ACTR1A: variants seen among roughly 807,000 people sequenced by gnomAD.
ACTR1A encodes alpha-centractin.
Under a neutral mutation model 50.7 loss-of-function variants are expected in ACTR1A, and 10 were observed. The ratio of observed to expected loss-of-function variants is 0.20; its 90% confidence interval spans 0.12 to 0.33. The LOEUF (loss-of-function observed/expected upper bound fraction) is 0.33, where lower values mean the gene tolerates loss of function less well. Among genes scored for constraint, ACTR1A ranks in the 10% least tolerant of loss-of-function variants. The pLI, the probability that ACTR1A is intolerant of heterozygous loss-of-function variation, is 1.00. For missense variants in ACTR1A, 253 were observed against 491.7 expected, an observed-to-expected ratio of 0.51 and a Z score of 4.59; for synonymous variants, 177 against 184.2, an observed-to-expected ratio of 0.96 and a Z score of 0.32.
chr10:102,490,556 G>C lies in ACTR1A; in HGVS notation c.106C>G (p.Pro36Ala). Residue 36 changes from proline to alanine, a missense_variant, in exon 2 of 11, where the codon CCA becomes GCA. Pro to Ala is a conservative substitution (Grantham distance 27, BLOSUM62 -1). Around this residue, in one of 4 missense-constraint regions of ACTR1A, gnomAD observed 96 missense variants for 238.7 expected, o/e 0.40. Transcript: ENST00000369905. ...AGCTACAGAATGACTTACTAGTTTG[G>C]AAAGCAGTATTTGGGGATCTGATCA... ...AGDQIPKYCF[P>A]NYVGRPKHVR... is the part of the protein sequence containing the mutation. The C allele has an allele frequency of 1.2e-6, 2 of 1,612,944 alleles. No individual in the cohort carries two copies. Among genetic ancestry groups the C allele is most frequent in the Non-Finnish European group, 8.5e-7 (1 of 1,179,040 alleles).
chr10:102,480,896 G>A lies in ACTR1A; in HGVS notation c.1098C>T (p.Asp366=), dbSNP rs202101782. The A allele has an allele frequency of 1.1e-5, 18 of 1,614,038 alleles. No individual in the cohort carries two copies. The highest frequency in any genetic ancestry group is 1.7e-4 in the Middle Eastern group (1 of 6,036). Residue 366 remains aspartate (D), a synonymous_variant, in exon 11 of 11, where the codon GAC becomes GAT. Transcript: ENST00000369905. ...TTTTTCTGTGGATGGATCGGGCACC[G>A]TCTTCCTCATATTCCTTTTTGGAGA... ...MWVSKKEYEE[D]GARSIHRKTF
chr10:102,488,402 T>G lies in ACTR1A; in HGVS notation c.190-127A>C, dbSNP rs112860709. 1.8e-5 allele frequency: 25 copies of G among 1,367,456 alleles called. 1 individual carries two copies. In the African/African-American group the frequency reaches 2.0e-4, roughly 11 times the overall value. 84.7% of individuals were successfully genotyped at this position (1,367,456 alleles called of 1,614,324 possible). A position where few individuals can be genotyped will look rare whatever the true frequency, so the allele number is the denominator to read the frequency against. ...TCAGCTTCCTGAGCTTCCACCCTGC[T>G]GTCCTTGCCCAGGGCTAAGGGTGGG... On this transcript the variant is annotated intron_variant, in intron 3 of 10. Transcript: ENST00000369905. The surrounding 1 kb of genome is among the most constrained non-coding windows in gnomAD (Gnocchi z 4.4).
intron 1 of ACTR1A, among the ~76,000 whole-genome samples, chr10:102,491,047 A>G (rs999762805): frequency 2.6e-5 from 4 of 152,194 alleles, no homozygotes; most frequent in Admixed American, 6.5e-5. Flanking sequence ...TTGAACCTAG[A>G]AAAAGGTAAA....
intron 1 of ACTR1A, 68 bp from the exon 2 acceptor site, chr10:102,490,681 T>G: frequency 7.7e-7 from 1 of 1,297,676 alleles, no homozygotes; most frequent in Non-Finnish European, 1.1e-6. Flanking sequence ...ATACATTATA[T>G]GGTACCATTT....
chr10:102,494,300 A>G (rs1402290092), intron 1 of ACTR1A, among the ~76,000 whole-genome samples: 1 of 152,198 alleles, frequency 6.6e-6, no homozygotes, highest in African/African-American at 2.4e-5. Context: ...GTTTGAGACC[A>G]GCCTGGCCAA....
rs557942741 is a variant in ACTR1A, at chr10:102,495,702, C to T, written c.49-5089G>A. ...CGAGATTGCGCCACTGCAATTTAGC[C>T]TGGGCGACAGAGACAGCCTCCGTCT... is the stretch of plus-strand genomic sequence containing the variant. On this transcript the variant is annotated intron_variant, in intron 1 of 10. Coordinates refer to ENST00000369905, the MANE Select transcript of ACTR1A (RefSeq NM_005736.4). Among the ~76,000 whole-genome samples the T allele has an allele frequency of 2.6e-5, 4 of 151,154 alleles. No individual in the cohort carries two copies. In the East Asian group the frequency reaches 7.9e-4, roughly 30 times the overall value.
chr10:102,485,521 C>T (rs905252772), intron 5 of ACTR1A, 88 bp downstream of exon 5: 42 of 1,570,226 alleles, frequency 2.7e-5, no homozygotes, highest in Non-Finnish European at 3.6e-5. Context: ...GCTCAAGTTA[C>T]TCTGAACCAT....
intron 1 of ACTR1A, among the ~76,000 whole-genome samples, chr10:102,493,922 G>A (rs1168233263): frequency 6.6e-6 from 1 of 152,226 alleles, no homozygotes; most frequent in Non-Finnish European, 1.5e-5. Context: ...CACTGGGAGT[G>A]ATGCACAAGG....
chr10:102,482,804 C>T lies in ACTR1A; in HGVS notation c.750+207G>A. ...CTAAAAAAAAAAATTGCAAAAGAAT[C>T]TCATAATGTTTTAAGAAAGTTTACG... is the stretch of plus-strand genomic sequence containing the variant. On this transcript the variant is annotated intron_variant, in intron 7 of 10. Transcript: ENST00000369905. This position sits in a 1 kb window ranked among gnomAD's most constrained non-coding sequence, Gnocchi z 5.6. The T allele has an allele frequency of 1.8e-6, 1 of 567,970 alleles. No individual in the cohort carries two copies. Among genetic ancestry groups the T allele is most frequent in the Non-Finnish European group, 3.1e-6 (1 of 318,798 alleles). 35.2% of individuals were successfully genotyped at this position (567,970 alleles called of 1,614,324 possible). A position where few individuals can be genotyped will look rare whatever the true frequency, so the allele number is the denominator to read the frequency against.
intron 1 of ACTR1A, among the ~76,000 whole-genome samples, chr10:102,495,245 T>C (rs1421602895): frequency 3.3e-5 from 5 of 151,286 alleles, no homozygotes; most frequent in Admixed American, 2.0e-4. Context: ...GGCGATAGAG[T>C]GAGCCTCTGC....
intron 2 of ACTR1A, among the ~76,000 whole-genome samples, chr10:102,489,867 C>CT (rs1314064363): frequency 1.6e-5 from 1 of 63,826 alleles, no homozygotes; most frequent in African/African-American, 6.7e-5. Flanking sequence ...CTCTTCCTTT[C>CT]CTCCCCCTTT....
Position 102,482,662 on chromosome 10 carries a change from C to T in ACTR1A, c.750+349G>A. On this transcript the variant is annotated intron_variant, in intron 7 of 10. Transcript: ENST00000369905. This position sits in a 1 kb window ranked among gnomAD's most constrained non-coding sequence, Gnocchi z 5.6. ...ACTCATGCTCAGGAGCTCTGCTGCT[C>T]CAGAGAGAGGGTGTAAGGCTGGGGT... 1 of 303,828 alleles carries T rather than the reference C, an allele frequency of 3.3e-6. No individual in the cohort carries two copies. Among genetic ancestry groups the T allele is most frequent in the South Asian group, 4.2e-5 (1 of 23,760 alleles). 18.8% of individuals were successfully genotyped at this position (303,828 alleles called of 1,614,324 possible). A position where few individuals can be genotyped will look rare whatever the true frequency, so the allele number is the denominator to read the frequency against.
intron 1 of ACTR1A, among the ~76,000 whole-genome samples, chr10:102,493,001 C>CAAAAAAAAAAAAAAAA (rs398014648): frequency 0.039 from 1,920 of 48,886 alleles, 367 homozygotes; most frequent in Non-Finnish European, 0.048. Context: ...GACTCCACCT[C>CAAAAAAAAAAAAAAAA]AAAAAAAAAA....
chr10:102,484,334 C>A lies in ACTR1A; in HGVS notation c.483G>T (p.Gly161=). Residue 161 remains glycine (G), a synonymous_variant, in exon 6 of 11, where the codon GGG becomes GGT. Transcript: ENST00000369905. ...TGGGCACAGCATGGGTGACTCCATC[C>A]CCAGAATCCAGCACCACCCCTGTGG... is the stretch of plus-strand genomic sequence containing the variant. ...GRTTGVVLDS[G]DGVTHAVPIY... 1 of 1,614,146 alleles carries A rather than the reference C, an allele frequency of 6.2e-7. No homozygotes were observed. Among genetic ancestry groups the A allele is most frequent in the Non-Finnish European group, 8.5e-7 (1 of 1,180,026 alleles).
At chr10:102,481,407 T>C (rs539710758) in intron 9 of ACTR1A, among the ~76,000 whole-genome samples, 4 of 152,222 alleles carry the variant, frequency 2.6e-5, no homozygotes, top group African/African-American at 9.6e-5. Context: ...GCAGACTCCA[T>C]GGCAAGAACT....
intron 2 of ACTR1A, among the ~76,000 whole-genome samples, chr10:102,490,127 T>G (rs1419460413): frequency 6.7e-6 from 1 of 149,774 alleles, no homozygotes; most frequent in East Asian, 2.0e-4. Context: ...TCCCAGCTAC[T>G]CGGGAGGCTG....
intron 5 of ACTR1A, 88 bp from the exon 6 acceptor site, chr10:102,484,464 A>G (rs2135580795): frequency 8.4e-7 from 1 of 1,191,924 alleles, no homozygotes; most frequent in South Asian, 1.3e-5. Context: ...AATGTCAGCT[A>G]AACTAAAGCT....
chr10:102,496,096 C>T (rs746672052), intron 1 of ACTR1A, among the ~76,000 whole-genome samples: 20 of 152,182 alleles, frequency 1.3e-4, no homozygotes, highest in Non-Finnish European at 2.2e-4. Context: ...CAGGTGCCCG[C>T]CACCACGCCT....
At chr10:102,486,060 C>T (rs974735877) in intron 4 of ACTR1A, among the ~76,000 whole-genome samples, 12 of 152,162 alleles carry the variant, frequency 7.9e-5, no homozygotes, top group Admixed American at 2.0e-4. Context: ...TAAATTCCTG[C>T]CGCAGACCAG....
Sources: allele counts gnomAD v4.1 joint callset (sites outside exome capture counted in the v4.1 genomes callset), GRCh38; gene constraint gnomAD v4.1.1; regional missense constraint gnomAD v4.1.1; non-coding constraint Gnocchi (gnomAD v3.1); transcripts MANE v1.5; gene names NCBI Gene and HGNC (gene_info 2026-07-23, HGNC 2026-07-21).